Variants in PLXNA4 observed in about 807,000 individuals in gnomAD.
PLXNA4 encodes plexin A4, also known as plexin-A4.
In PLXNA4, 44 loss-of-function variants were observed where a neutral mutation model predicts 191.8. The ratio of observed to expected loss-of-function variants is 0.23; its 90% CI spans 0.18 to 0.29. The LOEUF (loss-of-function observed/expected upper bound fraction) is 0.29. Among genes scored for constraint, PLXNA4 ranks in the 10% least tolerant of loss-of-function variants. PLXNA4 has a pLI of 1.00. For missense variants in PLXNA4, 1,800 were observed against 2,488.8 expected, an observed-to-expected ratio of 0.72 and a Z score of 5.89; for synonymous variants, 1,082 against 1,009.5, an observed-to-expected ratio of 1.07 and a Z score of -1.36.
intron 1 of PLXNA4, among the ~76,000 whole-genome samples, chr7:132,562,123 C>T (rs1801184646): frequency 9.0e-6 from 1 of 110,552 alleles, no homozygotes; most frequent in Non-Finnish European, 1.8e-5. Context: ...CTCTCCTTCT[C>T]CTCCTCCTTC....
intron 3 of PLXNA4, among the ~76,000 whole-genome samples, chr7:132,483,546 T>C: frequency 6.6e-6 from 1 of 152,246 alleles, no homozygotes; most frequent in South Asian, 2.1e-4. Flanking sequence ...ACTGGATAAA[T>C]TCCTCTAGTG....
At position 132,338,337 on chromosome 7, in the gene PLXNA4, C is replaced by G. The variant is rs76882361; in HGVS notation, c.1372-40115G>C. ...TGAAACTTTAGTGTGTCAGTGAGCT[C>G]CCCCAAACTTATGACTCCAAAATGT... On this transcript the variant is annotated intron_variant, in intron 3 of 31. Coordinates refer to ENST00000321063, the MANE Select transcript of PLXNA4 (RefSeq NM_020911.2). Among the ~76,000 whole-genome samples, 864 of 152,274 alleles carry G rather than the reference C, an allele frequency of 5.7e-3. 4 individuals are homozygous for G. Among genetic ancestry groups the G allele is most frequent in the Middle Eastern group, 0.031 (9 of 294 alleles).
intron 1 of PLXNA4, among the ~76,000 whole-genome samples, chr7:132,530,666 T>C (rs1184914095): frequency 6.6e-6 from 1 of 152,236 alleles, no homozygotes; most frequent in Non-Finnish European, 1.5e-5. Flanking sequence ...ATTCAGCTAC[T>C]GTGGAAAACT....
chr7:132,488,430 CCCAAAAGAAG>C (rs1425685796), intron 3 of PLXNA4, among the ~76,000 whole-genome samples: 1 of 152,170 alleles, frequency 6.6e-6, no homozygotes, highest in Non-Finnish European at 1.5e-5. Flanking sequence ...TCCAGAGAAC[CCCAAAAGAAG>C]CCAAAATAAA....
chr7:132,282,661 A>G lies in PLXNA4; in HGVS notation c.1503+15430T>C, dbSNP rs1800528158. 1.7e-5 allele frequency among the ~76,000 whole-genome samples: 2 copies of G among 117,978 alleles called. 1 individual carries two copies. The highest frequency in any genetic ancestry group is 5.6e-4 in the South Asian group (2 of 3,586). The allele number at this position is 117,978 out of a possible 152,430, so 77.4% of individuals were successfully genotyped here. A position where few individuals can be genotyped will look rare whatever the true frequency, so the allele number is the denominator to read the frequency against. On this transcript the variant is annotated intron_variant, in intron 4 of 31. Transcript: ENST00000321063. ...AAAAAAAAAAAAAAAAAAAAAAAAA[A>G]GAAGCAGTAGTTCTAATAGTTTCTC... is the stretch of plus-strand genomic sequence containing the variant.
chr7:132,155,878 G>C (rs962327550), intron 25 of PLXNA4, among the ~76,000 whole-genome samples: 1 of 152,130 alleles, frequency 6.6e-6, no homozygotes, highest in Non-Finnish European at 1.5e-5. Flanking sequence ...GATGGATTTT[G>C]AATAAAGCAG....
At chr7:132,601,311 A>G (rs1481167757) in intron 2 of PLXNA4, among the ~76,000 whole-genome samples, 1 of 151,902 alleles carries the variant, frequency 6.6e-6, no homozygotes, top group Non-Finnish European at 1.5e-5. Flanking sequence ...AACATTTCTG[A>G]TAGTGTGGTA....
At chr7:132,269,497 A>G (rs989727250) in intron 4 of PLXNA4, among the ~76,000 whole-genome samples, 12 of 151,968 alleles carry the variant, frequency 7.9e-5, no homozygotes, top group African/African-American at 2.9e-4. Context: ...ATGGGACACC[A>G]CATCAGCTCT....
At chr7:132,573,427 G>A (rs1802067951) in intron 1 of PLXNA4, among the ~76,000 whole-genome samples, 1 of 152,154 alleles carries the variant, frequency 6.6e-6, no homozygotes, top group Admixed American at 6.5e-5. Flanking sequence ...CGATTTCTCT[G>A]CATCAAAGCC....
chr7:132,421,592 C>A lies in PLXNA4; in HGVS notation c.1371+67700G>T, dbSNP rs191032274. On this transcript the variant is annotated intron_variant, in intron 3 of 31. Coordinates refer to ENST00000321063, the MANE Select transcript of PLXNA4 (RefSeq NM_020911.2). Reference sequence around the variant, plus strand: ...TTATTGCTAAAGTTTTTTTTTTTTACCACAGCTTCAGTTACAAAACAAAAA... The same window carrying A: ...TTATTGCTAAAGTTTTTTTTTTTTAACACAGCTTCAGTTACAAAACAAAAA... Among the ~76,000 whole-genome samples the A allele has an allele frequency of 6.2e-3, 846 of 135,962 alleles. 28 individuals carry two copies. The highest frequency in any genetic ancestry group is 3.4e-3 in the Non-Finnish European group (227 of 66,352). The allele number at this position is 135,962 out of a possible 152,430, so 89.2% of individuals were successfully genotyped here.
intron 1 of PLXNA4, among the ~76,000 whole-genome samples, chr7:132,558,462 T>A (rs1415049342): frequency 6.6e-6 from 1 of 152,222 alleles, no homozygotes; most frequent in East Asian, 1.9e-4. Context: ...AAATACCATT[T>A]CACTCAATAA....
chr7:132,228,390 T>C lies in PLXNA4; in HGVS notation c.1684A>G (p.Thr562Ala), dbSNP rs781639554. The change falls in exon 6 of 32, where the codon ACG becomes GCG. Residue 562 changes from threonine to alanine, a missense_variant. Physicochemically the swap from Thr to Ala is moderately conservative, Grantham distance 58 (BLOSUM62 0). Coordinates refer to ENST00000321063, the MANE Select transcript of PLXNA4 (RefSeq NM_020911.2). ...ACGGAGATATTGTTGGGATGGACCG[T>C]CAGCCGGACACACTGCTTCATCTCC... ...ASEMKQCVRL[T>A]VHPNNISVSQ... The C allele has an allele frequency of 1.2e-6, 2 of 1,613,980 alleles. No individual in the cohort carries two copies. Among genetic ancestry groups the C allele is most frequent in the Admixed American group, 1.7e-5 (1 of 59,978 alleles).
intron 3 of PLXNA4, among the ~76,000 whole-genome samples, chr7:132,435,266 G>A (rs2117215825): frequency 6.6e-6 from 1 of 152,120 alleles, no homozygotes; most frequent in East Asian, 1.9e-4. Context: ...AGCCCCAGGG[G>A]AAAAAACAAG....
intron 3 of PLXNA4, among the ~76,000 whole-genome samples, chr7:132,337,640 A>G (rs1802871781): frequency 6.6e-6 from 1 of 152,204 alleles, no homozygotes; most frequent in East Asian, 1.9e-4. Flanking sequence ...TTCTCTTCCT[A>G]TTGCTGAGAA....
At chr7:132,267,026 G>C (rs1347600064) in intron 4 of PLXNA4, among the ~76,000 whole-genome samples, 1 of 152,144 alleles carries the variant, frequency 6.6e-6, no homozygotes, top group Non-Finnish European at 1.5e-5. Flanking sequence ...TTCCAGTTGA[G>C]ACCTTCAGCT....
At chr7:132,388,223 C>A (rs1805241333) in intron 3 of PLXNA4, among the ~76,000 whole-genome samples, 2 of 152,108 alleles carry the variant, frequency 1.3e-5, no homozygotes, top group African/African-American at 2.4e-5. Context: ...ATACACCTGT[C>A]CTCCCTATTC....
At chr7:132,547,946 G>A (rs1035491896) in intron 1 of PLXNA4, among the ~76,000 whole-genome samples, 38 of 152,196 alleles carry the variant, frequency 2.5e-4, no homozygotes, top group Non-Finnish European at 1.5e-5. Flanking sequence ...AGGACAGAAA[G>A]CCTTCAGTGA....
chr7:132,174,797 G>A lies in PLXNA4; in HGVS notation c.3998C>T (p.Pro1333Leu). The change falls in exon 21 of 32, where the codon CCT becomes CTT. Residue 1333 changes from proline (P) to leucine (L), a missense_variant. Physicochemically the swap from Pro to Leu is moderately conservative, Grantham distance 98. This residue lies in a region of PLXNA4 where 1,397 missense variants were observed against 1,880.4 expected (regional missense o/e 0.74). Coordinates refer to ENST00000321063, the MANE Select transcript of PLXNA4 (RefSeq NM_020911.2). ...RVLFPGIEDH[P>L]VLRDLEVPGY... ...TCTCACCTCAAGGTCCCGGAGGACA[G>A]GGTGGTCTTCAATTCCTGGGAACAG... The A allele has an allele frequency of 6.2e-7, 1 of 1,614,152 alleles. No individual in the cohort carries two copies. Among genetic ancestry groups the A allele is most frequent in the Non-Finnish European group, 8.5e-7 (1 of 1,179,988 alleles).
chr7:132,278,151 T>C (rs1276319471), intron 4 of PLXNA4, among the ~76,000 whole-genome samples: 1 of 152,238 alleles, frequency 6.6e-6, no homozygotes, highest in East Asian at 1.9e-4. Context: ...CCAAATAACA[T>C]ACAATCTGTT....
Sources: gnomAD v4.1 joint callset for allele counts (sites outside exome capture counted in the v4.1 genomes callset) on GRCh38, gnomAD v4.1.1 for gene constraint, gnomAD v4.1.1 regional missense constraint, MANE v1.5 for transcripts, NCBI Gene and HGNC (gene_info 2026-07-23, HGNC 2026-07-21) for gene names.